Variants in PTER observed in about 807,000 individuals in gnomAD.
PTER encodes the protein N-acetyltaurine hydrolase.
A neutral mutation model predicts 29.6 loss-of-function variants in PTER; 38 were observed. That is an observed-to-expected ratio of 1.28 (90% confidence interval 0.99 to 1.68). The LOEUF is 1.68. PTER is among the 40% of genes most tolerant of loss of function. The pLI is 0.00. For missense variants in PTER, 482 were observed against 427.8 expected (o/e 1.13, Z -1.12); for synonymous variants, 172 against 154.5 (o/e 1.11, Z -0.84).
intron 1 of PTER, among the ~76,000 whole-genome samples, chr10:16,444,437 G>GTT (rs748849296): frequency 6.9e-5 from 10 of 145,962 alleles, no homozygotes; most frequent in Admixed American, 1.4e-4. Context: ...ACCACGCCTG[G>GTT]TTTTTTTTTT....
intron 1 of PTER, among the ~76,000 whole-genome samples, chr10:16,448,638 T>C (rs1834098799): frequency 6.6e-6 from 1 of 152,156 alleles, no homozygotes; most frequent in Admixed American, 6.5e-5. Flanking sequence ...CACCAATAAG[T>C]CTGGTGTGTT....
At chr10:16,484,214 A>C in intron 1 of PTER, 123 bp from the exon 2 acceptor site, 1 of 613,426 alleles carries the variant, frequency 1.6e-6, no homozygotes, top group South Asian at 2.4e-5. Flanking sequence ...TCGTATCTCT[A>C]GTTTTATTGA....
chr10:16,509,822 C>G (rs1457018614), intron 4 of PTER, among the ~76,000 whole-genome samples: 1 of 152,168 alleles, frequency 6.6e-6, no homozygotes, highest in Non-Finnish European at 1.5e-5. Context: ...TTCTTCTCTG[C>G]TAGTGCTTGC....
At chr10:16,485,875 C>A (rs887292367) in intron 2 of PTER, among the ~76,000 whole-genome samples, 1 of 152,124 alleles carries the variant, frequency 6.6e-6, no homozygotes, top group Non-Finnish European at 1.5e-5. Context: ...GGGAGGTTCA[C>A]TTGATCTCAG....
At chr10:16,486,206 T>C in intron 2 of PTER, 146 bp from the exon 3 acceptor site, 1 of 968,302 alleles carries the variant, frequency 1.0e-6, no homozygotes, top group Non-Finnish European at 1.5e-6. Context: ...AATGCCTTTT[T>C]CCTTGGCCAA....
intron 1 of PTER, among the ~76,000 whole-genome samples, chr10:16,479,087 G>GA (rs1554790168): frequency 2.0e-3 from 277 of 141,644 alleles, no homozygotes; most frequent in African/African-American, 5.2e-3. Context: ...TAGTCAATTT[G>GA]AAAAAAAAAA....
intron 1 of PTER, among the ~76,000 whole-genome samples, chr10:16,453,456 AG>A (rs1357878257): frequency 9.8e-5 from 15 of 152,296 alleles, no homozygotes; most frequent in Middle Eastern, 3.4e-3. Flanking sequence ...TTGCTTAGGC[AG>A]TCAGCATCAC....
intron 4 of PTER, among the ~76,000 whole-genome samples, chr10:16,509,028 A>T (rs1015495893): frequency 2.6e-5 from 4 of 152,174 alleles, no homozygotes; most frequent in African/African-American, 9.7e-5. Context: ...CTCAAATCTT[A>T]TTATATCTCT....
intron 1 of PTER, among the ~76,000 whole-genome samples, chr10:16,451,163 G>A (rs1834195471): frequency 6.6e-6 from 1 of 151,698 alleles, no homozygotes; most frequent in South Asian, 2.1e-4. Context: ...TCCAGCATGG[G>A]AGAAAGATGA....
chr10:16,473,940 G>A (rs986063861), intron 1 of PTER, among the ~76,000 whole-genome samples: 2 of 152,140 alleles, frequency 1.3e-5, no homozygotes, highest in Non-Finnish European at 2.9e-5. Flanking sequence ...GTACCTGGCC[G>A]GGCACCGTGG....
chr10:16,518,888 C>T, the PTER span, among the ~76,000 whole-genome samples: 1 of 152,018 alleles, frequency 6.6e-6, no homozygotes, highest in Non-Finnish European at 1.5e-5. Context: ...TTCAATAGCT[C>T]CATTCTGGTA....
At chr10:16,472,679 T>C (rs1406774177) in intron 1 of PTER, among the ~76,000 whole-genome samples, 1 of 152,192 alleles carries the variant, frequency 6.6e-6, no homozygotes, top group Non-Finnish European at 1.5e-5. Flanking sequence ...TCCCCCACCA[T>C]GTTTTGGGGT....
rs557298569 is a variant in PTER at position 16,463,020 on chromosome 10, C to A, written c.-48-21317C>A. Among the ~76,000 whole-genome samples, 6 of 151,646 alleles carry A rather than the reference C, an allele frequency of 4.0e-5. No individual in the cohort carries two copies. The East Asian group carries it at 1.2e-3, about 30-fold the overall frequency. On this transcript the variant is annotated intron_variant, in intron 1 of 4. Transcript: ENST00000535784. ...CATCCTGGCTAACATGGTGAAACCC[C>A]GTCTGTACTAAAAATACAAAAAATT...
At chr10:16,445,243 C>G (rs964163123) in intron 1 of PTER, among the ~76,000 whole-genome samples, 4 of 152,118 alleles carry the variant, frequency 2.6e-5, no homozygotes, top group Admixed American at 2.6e-4. Flanking sequence ...CTACCAATCG[C>G]TCTGTAGAAA....
chr10:16,500,974 C>T (rs892508445), intron 3 of PTER, among the ~76,000 whole-genome samples: 13 of 152,114 alleles, frequency 8.5e-5, no homozygotes, highest in Non-Finnish European at 1.6e-4. Context: ...CTCTGTCACC[C>T]AAGCTGGAGT....
chr10:16,452,028 T>C (rs1488068357), intron 1 of PTER, among the ~76,000 whole-genome samples: 3 of 152,112 alleles, frequency 2.0e-5, no homozygotes, highest in Non-Finnish European at 4.4e-5. Flanking sequence ...ACCAATCCAC[T>C]TTTTTTACTT....
intron 1 of PTER, among the ~76,000 whole-genome samples, chr10:16,457,324 T>A (rs973273265): frequency 1.3e-5 from 2 of 151,940 alleles, no homozygotes; most frequent in African/African-American, 4.8e-5. Context: ...GCCATTCTCC[T>A]GCCTCAGCCT....
chr10:16,446,722 C>T (rs1412642629), intron 1 of PTER, among the ~76,000 whole-genome samples: 3 of 151,950 alleles, frequency 2.0e-5, no homozygotes, highest in Non-Finnish European at 2.9e-5. Flanking sequence ...TTTCTTAATT[C>T]TTTCTTTTCT....
chr10:16,473,683 G>T (rs1835149262), intron 1 of PTER, among the ~76,000 whole-genome samples: 1 of 152,074 alleles, frequency 6.6e-6, no homozygotes, highest in Admixed American at 6.6e-5. Flanking sequence ...GATGCAAAGA[G>T]ATTGCAAACT....
Sources: allele counts gnomAD v4.1 joint callset (sites outside exome capture counted in the v4.1 genomes callset), GRCh38; gene constraint gnomAD v4.1.1; transcripts MANE v1.5; gene names NCBI Gene and HGNC (gene_info 2026-07-23, HGNC 2026-07-21).